The following MGAT5B variants were observed in gnomAD, a reference collection of about 807,000 sequenced individuals.
MGAT5B encodes the protein N-acetylglucosaminyl-transferase Vb.
A neutral mutation model predicts 95.1 loss-of-function variants in MGAT5B; 54 were observed. The observed-to-expected ratio is 0.57, with a 90% confidence interval of 0.46 to 0.71. The LOEUF (loss-of-function observed/expected upper bound fraction) is 0.71, where lower values mean the gene tolerates loss of function less well. Among genes scored for constraint, MGAT5B ranks in the 30% least tolerant of loss-of-function variants. The pLI is 0.00. For missense variants in MGAT5B, 935 were observed against 1,088.6 expected (o/e 0.86, Z 1.99); for synonymous variants, 464 against 451.0 (o/e 1.03, Z -0.36).
Position 76,869,125 on chromosome 17 carries a change from C to A in MGAT5B, c.68+28C>A. 6.2e-7 allele frequency: 1 copy of A among 1,606,842 alleles called. No homozygotes were observed. Among genetic ancestry groups the A allele is most frequent in the Non-Finnish European group, 8.5e-7 (1 of 1,173,568 alleles). Reference sequence around the variant, plus strand: ...AAAGTTCCCTCCTGGTTGGTTTTTTCCCCAGGGGGGCGCCGGGTGGAGGTG... The same window carrying A: ...AAAGTTCCCTCCTGGTTGGTTTTTTACCCAGGGGGGCGCCGGGTGGAGGTG... On this transcript the variant is annotated intron_variant, in intron 1 of 17. Coordinates refer to ENST00000569840, the MANE Select transcript of MGAT5B (RefSeq NM_001199172.2). The surrounding 1 kb of genome is among the most constrained non-coding windows in gnomAD (Gnocchi z 7.0).
intron 2 of MGAT5B, among the ~76,000 whole-genome samples, chr17:76,876,372 G>A (rs773926147): frequency 2.6e-5 from 4 of 151,368 alleles, no homozygotes; most frequent in Admixed American, 1.3e-4. Flanking sequence ...GATAATGCAC[G>A]TTTTGTTACC....
In MGAT5B at chr17:76,930,171, A is replaced by G. The variant is rs1192103389; in HGVS notation, c.1292-2474A>G. Among the ~76,000 whole-genome samples the G allele has an allele frequency of 6.6e-6, 1 of 152,118 alleles. No homozygotes were observed. The highest frequency in any genetic ancestry group is 1.5e-5 in the Non-Finnish European group (1 of 68,006). On this transcript the variant is annotated intron_variant, in intron 10 of 17. Coordinates refer to ENST00000569840, the MANE Select transcript of MGAT5B (RefSeq NM_001199172.2). This position sits in a 1 kb window ranked among gnomAD's most constrained non-coding sequence, Gnocchi z 4.1. ...CTCCTCCTGACCCTCCCAAAGCTCT[A>G]GAGGAGAGATCGTTTGGTTCTGTAG...
Position 76,872,891 on chromosome 17 carries a change from CTGA to C in MGAT5B, c.113_115del (p.Met38del). The C allele has an allele frequency of 6.2e-7, 1 of 1,614,242 alleles. No homozygotes were observed. Among genetic ancestry groups the C allele is most frequent in the Non-Finnish European group, 8.5e-7 (1 of 1,180,044 alleles). ...CATCGGCTTCTTCACTCTCTGCTTC[CTGA>C]TGACGTCTCTGGGAGGCCAGTTCTC... On this transcript the variant is annotated inframe_deletion, in exon 2 of 18. Coordinates refer to ENST00000569840, the MANE Select transcript of MGAT5B (RefSeq NM_001199172.2).
chr17:76,882,555 C>T, intron 3 of MGAT5B: 1 of 399,240 alleles, frequency 2.5e-6, no homozygotes, highest in Non-Finnish European at 4.4e-6. Context: ...TCCCTAGAGA[C>T]AAGTGCCTCC....
rs962901833 is a variant in MGAT5B at position 76,912,031 on chromosome 17, A to G, written c.1025+5844A>G. Among the ~76,000 whole-genome samples, 3 of 152,182 alleles carry G rather than the reference A, an allele frequency of 2.0e-5. No homozygotes were observed. The highest frequency in any genetic ancestry group is 7.2e-5 in the African/African-American group (3 of 41,534). ...ACCCTTGTCCTGCAGCTACATCTCTACAATCATCTCTGCCTTTGCCTGGTG... is the reference window on the plus strand; with the variant it reads ...ACCCTTGTCCTGCAGCTACATCTCTGCAATCATCTCTGCCTTTGCCTGGTG... On this transcript the variant is annotated intron_variant, in intron 8 of 17. Transcript: ENST00000569840. The surrounding 1 kb of genome is among the most constrained non-coding windows in gnomAD (Gnocchi z 5.0).
chr17:76,946,478 A>G (rs1043648449), intron 16 of MGAT5B, 28 bp downstream of exon 16: 5 of 1,551,864 alleles, frequency 3.2e-6, no homozygotes, highest in Non-Finnish European at 4.4e-6. Context: ...TCCCTGCCCC[A>G]GATCCTGTCA....
chr17:76,902,675 G>A lies in MGAT5B; in HGVS notation c.445+5G>A. 6.4e-7 allele frequency: 1 copy of A among 1,571,290 alleles called. No individual in the cohort carries two copies. The highest frequency in any genetic ancestry group is 1.2e-5 in the South Asian group (1 of 85,874). On this transcript the variant is annotated splice_donor_5th_base_variant and intron_variant, in intron 4 of 17. Transcript: ENST00000569840. The stretch of plus-strand genomic sequence containing the variant: ...GTCTGCTCCTGCACAGCAAGGGTGG[G>A]TGCCAGGGGGCGGGGGTACCCTCTA...
rs750293787 is a variant in MGAT5B, at chr17:76,918,371, A to G, written c.1026-6595A>G. Among the ~76,000 whole-genome samples the G allele has an allele frequency of 2.0e-5, 3 of 152,178 alleles. No individual in the cohort carries two copies. The highest frequency in any genetic ancestry group is 2.9e-5 in the Non-Finnish European group (2 of 68,022). Reference sequence around the variant, plus strand: ...CCCTGAACCCTCGAGGGCACAGGGTACATGCTGGGGATGCTCAAGGGCATC... The same window carrying G: ...CCCTGAACCCTCGAGGGCACAGGGTGCATGCTGGGGATGCTCAAGGGCATC... On this transcript the variant is annotated intron_variant, in intron 8 of 17. Coordinates refer to ENST00000569840, the MANE Select transcript of MGAT5B (RefSeq NM_001199172.2). The surrounding 1 kb of genome is among the most constrained non-coding windows in gnomAD (Gnocchi z 5.1).
chr17:76,888,590 C>G (rs932042176), intron 3 of MGAT5B, among the ~76,000 whole-genome samples: 29 of 152,128 alleles, frequency 1.9e-4, no homozygotes, highest in African/African-American at 6.8e-4. Flanking sequence ...GAGAGGGAGT[C>G]AGAATTAAAT....
Position 76,948,966 on chromosome 17 carries a change from T to G in MGAT5B, c.*128T>G. 3 of 1,093,088 alleles carry G rather than the reference T, an allele frequency of 2.7e-6. No homozygotes were observed. Among genetic ancestry groups the G allele is most frequent in the Non-Finnish European group, 3.8e-6 (3 of 781,822 alleles). The allele number at this position is 1,093,088 out of a possible 1,614,324, so 67.7% of individuals were successfully genotyped here. On this transcript the variant is annotated 3_prime_UTR_variant, in exon 18 of 18. Coordinates refer to ENST00000569840, the MANE Select transcript of MGAT5B (RefSeq NM_001199172.2). ...CCCCCCAGGCCGGAGCTTCCTTCCT[T>G]AGCCGGGAAGCTGGCAGAGGAGAGC...
intron 10 of MGAT5B, 27 bp downstream of exon 10, chr17:76,926,757 G>T: frequency 1.2e-6 from 2 of 1,608,896 alleles, no homozygotes; most frequent in Middle Eastern, 1.7e-4. Flanking sequence ...GCAGGGGTGG[G>T]GTCGGAGGTC....
At chr17:76,903,117 C>A (rs554582729) in intron 4 of MGAT5B, among the ~76,000 whole-genome samples, 186 bp from the exon 5 acceptor site, 8 of 152,272 alleles carry the variant, frequency 5.3e-5, no homozygotes, top group African/African-American at 1.9e-4. Context: ...TGCATCTGAA[C>A]CCCCTGAGGA....
chr17:76,925,690 G>A (rs747428268), intron 9 of MGAT5B, among the ~76,000 whole-genome samples: 3 of 152,254 alleles, frequency 2.0e-5, no homozygotes, highest in Middle Eastern at 6.8e-3. Flanking sequence ...TTATTAATGC[G>A]AGTTCTCTAT....
intron 9 of MGAT5B, 61 bp downstream of exon 9, chr17:76,925,158 T>A: frequency 2.5e-6 from 4 of 1,600,128 alleles, no homozygotes; most frequent in Non-Finnish European, 3.4e-6. Flanking sequence ...AGCTCCTCCT[T>A]CACGCCCTGC....
At chr17:76,942,952 A>T (rs1362048051) in intron 15 of MGAT5B, among the ~76,000 whole-genome samples, 1 of 152,072 alleles carries the variant, frequency 6.6e-6, no homozygotes, top group African/African-American at 2.4e-5. Context: ...GACTTTTCCA[A>T]TGTGGGGAGC....
rs917834889 is a variant in MGAT5B at position 76,915,755 on chromosome 17, G to A, written c.1026-9211G>A. 2.2e-4 allele frequency among the ~76,000 whole-genome samples: 34 copies of A among 152,268 alleles called. No individual in the cohort carries two copies. Among genetic ancestry groups the A allele is most frequent in the Admixed American group, 1.8e-3 (27 of 15,282 alleles). Reference sequence around the variant, plus strand: ...CCAAGAGGAGGCACGAGAGGCCGACGATTACAATTCACTAAAAATCCCCGG... The same window carrying A: ...CCAAGAGGAGGCACGAGAGGCCGACAATTACAATTCACTAAAAATCCCCGG... On this transcript the variant is annotated intron_variant, in intron 8 of 17. Transcript: ENST00000569840. The surrounding 1 kb of genome is among the most constrained non-coding windows in gnomAD (Gnocchi z 8.7).
Position 76,940,892 on chromosome 17 carries a change from C to A in MGAT5B, c.1848+44C>A. On this transcript the variant is annotated intron_variant, in intron 15 of 17. Transcript: ENST00000569840. This position sits in a 1 kb window ranked among gnomAD's most constrained non-coding sequence, Gnocchi z 4.3. ...AGTTGAGACCCCCCACTAGTCCACA[C>A]TGCTGGTCTTCACTCTGATTAGAAA... 6.7e-7 allele frequency: 1 copy of A among 1,483,312 alleles called. No individual in the cohort carries two copies. Among genetic ancestry groups the A allele is most frequent in the Non-Finnish European group, 9.4e-7 (1 of 1,062,482 alleles). The allele number at this position is 1,483,312 out of a possible 1,614,324, so 91.9% of individuals were successfully genotyped here.
chr17:76,878,631 T>A (rs888786337), intron 2 of MGAT5B, among the ~76,000 whole-genome samples: 2 of 152,104 alleles, frequency 1.3e-5, no homozygotes, highest in Non-Finnish European at 2.9e-5. Flanking sequence ...CATGCCACCA[T>A]GCCCAGCTAA....
In MGAT5B at chr17:76,948,092, T is replaced by G; in HGVS notation, c.2180+6T>G. On this transcript the variant is annotated splice_donor_region_variant and intron_variant, in intron 17 of 17. Transcript: ENST00000569840. ...AGCCAGGACGCCTTCCTCAAGTGAG[T>G]GTTCCCCCACCCTCCCCACCCAGCC... 6.3e-7 allele frequency: 1 copy of G among 1,582,528 alleles called. No individual in the cohort carries two copies. The highest frequency in any genetic ancestry group is 1.2e-5 in the South Asian group (1 of 85,988).
Sources: gnomAD v4.1 joint callset for allele counts (sites outside exome capture counted in the v4.1 genomes callset) on GRCh38, gnomAD v4.1.1 for gene constraint, Gnocchi (gnomAD v3.1) non-coding constraint, MANE v1.5 for transcripts, NCBI Gene and HGNC (gene_info 2026-07-23, HGNC 2026-07-21) for gene names.